The following SCAP variants were observed in gnomAD, a reference collection of about 807,000 sequenced individuals.
SCAP encodes sterol regulatory element-binding protein cleavage-activating protein.
A neutral mutation model predicts 123.6 loss-of-function variants in SCAP; 65 were observed. The ratio of observed to expected loss-of-function variants is 0.53; its 90% CI spans 0.43 to 0.65. SCAP has a LOEUF of 0.65. SCAP is among the 30% of genes least tolerant of loss of function. The pLI is 0.00. For missense variants in SCAP, 1,398 were observed against 1,712.5 expected (o/e 0.82, Z 3.24); for synonymous variants, 740 against 726.3 (o/e 1.02, Z -0.30).
rs1395054519 is a variant in SCAP at position 47,414,618 on chromosome 3, G to C, written c.3341C>G (p.Thr1114Ser). The change falls in exon 21 of 23, where the codon ACC becomes AGC. Residue 1114 changes from threonine (T) to serine (S), a missense_variant. Transcript: ENST00000265565. ...GATGGCCCCTGAGTGGCCCTGAAGG[G>C]TGAAGAGGCAGCACGAGTCCTCCAG... Reference protein sequence around the residue: ...FRLEDSCCLFTLQGHSGAITT... With the variant: ...FRLEDSCCLFSLQGHSGAITT... 1 of 1,613,420 alleles carries C rather than the reference G, an allele frequency of 6.2e-7. No homozygotes were observed. Among genetic ancestry groups the C allele is most frequent in the East Asian group, 2.2e-5 (1 of 44,884 alleles).
rs1390663169 is a variant in SCAP at position 47,418,687 on chromosome 3, C to A, written c.2097G>T (p.Gly699=). ...HWEAGPKGPG[G]VQAHGDVTLY... ...GCGTGACGTCTCCATGGGCCTGCACCCCACCTGGGCCCTTGGGTCCTGCTT... is the reference window on the plus strand; with the variant it reads ...GCGTGACGTCTCCATGGGCCTGCACACCACCTGGGCCCTTGGGTCCTGCTT... The change falls in exon 14 of 23, where the codon GGG becomes GGT. Residue 699 remains glycine, a synonymous_variant. Coordinates refer to ENST00000265565, the MANE Select transcript of SCAP (RefSeq NM_012235.4). 1.2e-6 allele frequency: 2 copies of A among 1,610,550 alleles called. No individual in the cohort carries two copies. The highest frequency in any genetic ancestry group is 1.7e-6 in the Non-Finnish European group (2 of 1,179,112).
chr3:47,419,777 G>C lies in SCAP; in HGVS notation c.1564-73C>G. The C allele has an allele frequency of 2.0e-5, 30 of 1,485,172 alleles. No homozygotes were observed. The highest frequency in any genetic ancestry group is 2.6e-5 in the Non-Finnish European group (29 of 1,113,846). The allele number at this position is 1,485,172 out of a possible 1,614,324, so 92.0% of individuals were successfully genotyped here. A position where few individuals can be genotyped will look rare whatever the true frequency, so the allele number is the denominator to read the frequency against. ...CCAGCAGCTTCAGCCCTCATGCTGAGAGGAAGCAGCACAGGGACCTCAGGC... is the reference window on the plus strand; with the variant it reads ...CCAGCAGCTTCAGCCCTCATGCTGACAGGAAGCAGCACAGGGACCTCAGGC... On this transcript the variant is annotated intron_variant, in intron 12 of 22. Transcript: ENST00000265565. The surrounding 1 kb of genome is among the most constrained non-coding windows in gnomAD (Gnocchi z 5.0).
At chr3:47,440,987 C>T (rs1449129325) in intron 2 of SCAP, among the ~76,000 whole-genome samples, 4 of 151,820 alleles carry the variant, frequency 2.6e-5, no homozygotes, top group Non-Finnish European at 4.4e-5. Context: ...CTGCAATCTC[C>T]GTCTCCCGGG....
intron 10 of SCAP, chr3:47,421,382 C>T (rs1227851061): frequency 7.8e-6 from 2 of 256,096 alleles, no homozygotes; most frequent in Non-Finnish European, 1.6e-5. Context: ...CCCACTGAGC[C>T]CCCGCCCTGC....
intron 3 of SCAP, among the ~76,000 whole-genome samples, chr3:47,433,516 A>C: frequency 6.6e-6 from 1 of 152,222 alleles, no homozygotes; most frequent in East Asian, 1.9e-4. Flanking sequence ...AATGGGCCAA[A>C]TGAACTCTCC....
At position 47,443,062 on chromosome 3, in the gene SCAP, G is replaced by A. The variant is rs1706868932; in HGVS notation, c.-69C>T. 4.4e-6 allele frequency: 7 copies of A among 1,605,400 alleles called. No individual in the cohort carries two copies. The highest frequency in any genetic ancestry group is 3.3e-5 in the South Asian group (3 of 90,104). On this transcript the variant is annotated 5_prime_UTR_variant, in exon 2 of 23. Coordinates refer to ENST00000265565, the MANE Select transcript of SCAP (RefSeq NM_012235.4). ...GGATCACCCTGGCACACACTTGACAGCACTGACAAAGAACAACATGTGCAG... is the reference window on the plus strand; with the variant it reads ...GGATCACCCTGGCACACACTTGACAACACTGACAAAGAACAACATGTGCAG...
chr3:47,422,055 C>A (rs1182143056), intron 10 of SCAP, among the ~76,000 whole-genome samples: 1 of 152,286 alleles, frequency 6.6e-6, no homozygotes, highest in African/African-American at 2.4e-5. Flanking sequence ...CTAGGAACCC[C>A]ACGGTGCTTC....
At chr3:47,427,318 C>T in intron 5 of SCAP, 56 bp from the exon 6 acceptor site, 1 of 1,544,872 alleles carries the variant, frequency 6.5e-7, no homozygotes, top group Non-Finnish European at 8.9e-7. Flanking sequence ...TGCAGAGCCA[C>T]CAAGGACCCC....
intron 8 of SCAP, among the ~76,000 whole-genome samples, chr3:47,424,514 G>A (rs1706037851): frequency 6.6e-6 from 1 of 152,198 alleles, no homozygotes; most frequent in Non-Finnish European, 1.5e-5. Context: ...GTGTGGAGAA[G>A]AACGACTGTT....
chr3:47,445,742 T>G (rs1319597380), intron 1 of SCAP, among the ~76,000 whole-genome samples: 1 of 151,862 alleles, frequency 6.6e-6, no homozygotes, highest in Non-Finnish European at 1.5e-5. Context: ...TGGCTAATTT[T>G]TGTATTTTTA....
At chr3:47,428,426 T>C in intron 4 of SCAP, 87 bp downstream of exon 4, 1 of 1,354,794 alleles carries the variant, frequency 7.4e-7, no homozygotes, top group Non-Finnish European at 1.0e-6. Context: ...CAGAGCTGAC[T>C]GGCTCACTGC....
At chr3:47,429,735 T>C (rs1412351806) in intron 3 of SCAP, among the ~76,000 whole-genome samples, 4 of 152,200 alleles carry the variant, frequency 2.6e-5, no homozygotes, top group Admixed American at 2.6e-4. Context: ...CCCCTACCAT[T>C]ACTATTGTCT....
chr3:47,415,650 G>A (rs1705540009), intron 18 of SCAP, among the ~76,000 whole-genome samples: 1 of 152,130 alleles, frequency 6.6e-6, no homozygotes, highest in African/African-American at 2.4e-5. Flanking sequence ...TTTCCATAAA[G>A]AAACAAGGAT....
chr3:47,415,217 TA>T (rs1269584032), intron 18 of SCAP, 37 bp from the exon 19 acceptor site: 2 of 1,573,840 alleles, frequency 1.3e-6, no homozygotes, highest in African/African-American at 2.7e-5. Flanking sequence ...GCCTCTCCCT[TA>T]GAGCCCCAGC....
At position 47,443,113 on chromosome 3, in the gene SCAP, C is replaced by G. The variant is rs142809139; in HGVS notation, c.-98-22G>C. 7 of 1,516,424 alleles carry G rather than the reference C, an allele frequency of 4.6e-6. No homozygotes were observed. In the African/African-American group the frequency reaches 8.3e-5, roughly 18 times the overall value. 93.9% of individuals were successfully genotyped at this position (1,516,424 alleles called of 1,614,324 possible). On this transcript the variant is annotated intron_variant, in intron 1 of 22. Coordinates refer to ENST00000265565, the MANE Select transcript of SCAP (RefSeq NM_012235.4). ...GTACCTGGTAAGAAGGGAGAAAAGCCAGTTAACAAAGAGTACTTGGCTCTG... is the reference window on the plus strand; with the variant it reads ...GTACCTGGTAAGAAGGGAGAAAAGCGAGTTAACAAAGAGTACTTGGCTCTG...
In SCAP at chr3:47,422,493, C is replaced by A; in HGVS notation, c.1194G>T (p.Thr398=). The change falls in exon 10 of 23, where the codon ACG becomes ACT. Residue 398 remains threonine (T), a synonymous_variant. Transcript: ENST00000265565. ...AGCCGATGAGGATGATGCCCAGCTC[C>A]GTGGCCATGTTCTTCATGATGGACC... The part of the protein sequence containing the change: ...ESWSIMKNMA[T]ELGIILIGYF... 6.2e-7 allele frequency: 1 copy of A among 1,613,742 alleles called. No individual in the cohort carries two copies. Among genetic ancestry groups the A allele is most frequent in the Non-Finnish European group, 8.5e-7 (1 of 1,179,806 alleles).
chr3:47,420,675 C>T lies in SCAP; in HGVS notation c.1442G>A (p.Arg481Lys). 6.2e-7 allele frequency: 1 copy of T among 1,611,770 alleles called. No individual in the cohort carries two copies. The part of the protein sequence containing the change: ...PTRYERQLAV[R>K]PSTPHTITLQ... ...CGTGATGGTGTGGGGTGTGGACGGC[C>T]TCACAGCCAGCTGCCGCTCGTAGCG... is the stretch of plus-strand genomic sequence containing the variant. Residue 481 changes from arginine (R) to lysine (K), a missense_variant, in exon 12 of 23, where the codon AGG (arginine) becomes AAG (lysine). Coordinates refer to ENST00000265565, the MANE Select transcript of SCAP (RefSeq NM_012235.4). The surrounding 1 kb of genome is among the most constrained non-coding windows in gnomAD (Gnocchi z 5.0).
Position 47,439,851 on chromosome 3 carries a change from C to T in SCAP, c.122+3021G>A, listed in dbSNP as rs1326748706. Reference sequence around the variant, plus strand: ...TTCATTTGAAGTAGTGTCCTTGGCTCTCAGTCACTGAAACCTGCAGCCTCA... The same window carrying T: ...TTCATTTGAAGTAGTGTCCTTGGCTTTCAGTCACTGAAACCTGCAGCCTCA... On this transcript the variant is annotated intron_variant, in intron 2 of 22. Coordinates refer to ENST00000265565, the MANE Select transcript of SCAP (RefSeq NM_012235.4). The surrounding 1 kb of genome is among the most constrained non-coding windows in gnomAD (Gnocchi z 4.0). Among the ~76,000 whole-genome samples, 1 of 152,222 alleles carries T rather than the reference C, an allele frequency of 6.6e-6. No homozygotes were observed. The highest frequency in any genetic ancestry group is 1.5e-5 in the Non-Finnish European group (1 of 68,036).
At position 47,440,187 on chromosome 3, in the gene SCAP, A is replaced by G. The variant is rs373817743; in HGVS notation, c.122+2685T>C. Among the ~76,000 whole-genome samples, 13 of 152,330 alleles carry G rather than the reference A, an allele frequency of 8.5e-5. No homozygotes were observed. In the East Asian group the frequency reaches 2.1e-3, roughly 25 times the overall value. On this transcript the variant is annotated intron_variant, in intron 2 of 22. Transcript: ENST00000265565. ...AGTCTTTCATCCCAGGAACAATAAAAGGTAAGCAATTAAATGGAAACTGAA... is the reference window on the plus strand; with the variant it reads ...AGTCTTTCATCCCAGGAACAATAAAGGGTAAGCAATTAAATGGAAACTGAA...
Sources: allele counts gnomAD v4.1 joint callset (sites outside exome capture counted in the v4.1 genomes callset), GRCh38; gene constraint gnomAD v4.1.1; non-coding constraint Gnocchi (gnomAD v3.1); transcripts MANE v1.5; gene names NCBI Gene and HGNC (gene_info 2026-07-23, HGNC 2026-07-21).